OGG1: variants seen among roughly 807,000 people sequenced by gnomAD.
OGG1 encodes the protein 8-oxoguanine DNA glycosylase.
OGG1 carries 35 observed loss-of-function variants against 42.3 expected under a neutral mutation model. The ratio of observed to expected loss-of-function variants is 0.83; its 90% CI spans 0.63 to 1.10. The LOEUF (loss-of-function observed/expected upper bound fraction) is 1.10, where lower values mean the gene tolerates loss of function less well. Among genes scored for constraint, OGG1 ranks in the 50% least tolerant of loss-of-function variants. The pLI is 0.00. For missense variants in OGG1, 484 were observed against 446.7 expected (o/e 1.08, Z -0.75); for synonymous variants, 189 against 179.0 (o/e 1.06, Z -0.44).
At chr3:9,769,588 G>A (rs1380212573), downstream of OGG1, among the ~76,000 whole-genome samples, 1 of 152,126 alleles carries the variant, frequency 6.6e-6, no homozygotes, top group African/African-American at 2.4e-5. Context: ...CTTCCAGTCA[G>A]GCCCAGCTGA....
intron 2 of OGG1, among the ~76,000 whole-genome samples, chr3:9,773,402 G>A (rs532378808): frequency 6.6e-6 from 1 of 152,024 alleles, no homozygotes; most frequent in Non-Finnish European, 1.5e-5. Flanking sequence ...TTAGCCAGGC[G>A]TGGTGGCGGG....
At chr3:9,755,644 A>G (rs1022194182) in intron 4 of OGG1, among the ~76,000 whole-genome samples, 1 of 151,650 alleles carries the variant, frequency 6.6e-6, no homozygotes, top group Admixed American at 6.6e-5. Flanking sequence ...TTGTATTTTT[A>G]GTAGAGATGG....
chr3:9,787,010 A>C (rs1344018341), intron 3 of OGG1: 1 of 1,613,544 alleles, frequency 6.2e-7, no homozygotes. Flanking sequence ...GCTCACCTCC[A>C]CCAGGGCCTG....
intron 2 of OGG1, among the ~76,000 whole-genome samples, chr3:9,772,983 C>T (rs1017547543): frequency 3.9e-5 from 6 of 152,148 alleles, no homozygotes; most frequent in African/African-American, 1.4e-4. Context: ...AAGGGCCAGG[C>T]GTGGGGAGGC....
At chr3:9,762,317 T>C (rs2077917892), downstream of OGG1, 1 of 154,004 alleles carries the variant, frequency 6.5e-6, no homozygotes, top group Non-Finnish European at 1.4e-5. Flanking sequence ...TGTTTTGCTG[T>C]CCCATCCAAG....
rs1389485964 is a variant in OGG1, at chr3:9,772,797, C to T, written c.295-8716C>T. Among the ~76,000 whole-genome samples the T allele has an allele frequency of 7.9e-5, 12 of 152,030 alleles. No individual in the cohort carries two copies. The East Asian group carries it at 9.6e-4, about 12-fold the overall frequency. On this transcript the variant is annotated intron_variant, in intron 2 of 3. Coordinates refer to the OGG1 transcript ENST00000426518. Reference sequence around the variant, plus strand: ...ATCTTGTCCAAAGGAATTAGGGGTGCGAGGGAGGCAAGAATAACACAACAC... The same window carrying T: ...ATCTTGTCCAAAGGAATTAGGGGTGTGAGGGAGGCAAGAATAACACAACAC...
downstream of OGG1, chr3:9,767,666 C>G: frequency 1.2e-6 from 2 of 1,614,130 alleles, no homozygotes; most frequent in Non-Finnish European, 1.7e-6. Context: ...CCTGGACTCA[C>G]GTGCCCAGAA....
rs781150747 is a variant in OGG1, at chr3:9,784,013, CCTG to C, written c.382+2416_382+2418del. 5.0e-6 allele frequency: 8 copies of C among 1,607,588 alleles called. No homozygotes were observed. The African/African-American group carries it at 1.1e-4, about 21-fold the overall frequency. On this transcript the variant is annotated intron_variant, in intron 3 of 3. Coordinates refer to the OGG1 transcript ENST00000426518. ...CAAGGCCACCCCCGGGACTGTGCAT[CCTG>C]CTAACGCTCACCTCAGCAGGTCGTG...
At chr3:9,786,926 G>A in intron 3 of OGG1, 1 of 1,327,392 alleles carries the variant, frequency 7.5e-7, no homozygotes, top group Non-Finnish European at 1.1e-6. Flanking sequence ...ATAAATGTAT[G>A]ATAAATTCCG....
chr3:9,765,618 T>G, intron 7 of OGG1: 2 of 986,880 alleles, frequency 2.0e-6, no homozygotes, highest in South Asian at 3.1e-5. Flanking sequence ...CCCTGCCAAG[T>G]GGAAATTGTG....
At chr3:9,757,631 A>G, downstream of OGG1, 1 of 1,614,118 alleles carries the variant, frequency 6.2e-7, no homozygotes, top group Admixed American at 1.7e-5. This position sits in a 1 kb window ranked among gnomAD's most constrained non-coding sequence, Gnocchi z 4.5. Context: ...CCTGCATGGG[A>G]AGACAGAACA....
chr3:9,753,684 T>C (rs1386452416), intron 3 of OGG1, among the ~76,000 whole-genome samples: 1 of 151,124 alleles, frequency 6.6e-6, no homozygotes, highest in East Asian at 2.0e-4. Flanking sequence ...TGTTCTTGAG[T>C]CTCAGCTCCT....
intron 3 of OGG1, chr3:9,783,023 T>C (rs2078516821): frequency 6.6e-6 from 1 of 152,202 alleles, no homozygotes; most frequent in African/African-American, 2.4e-5. Flanking sequence ...TGGCAGGCAC[T>C]GTGATGGATT....
chr3:9,790,365 G>A (rs1196563536), downstream of OGG1, among the ~76,000 whole-genome samples: 2 of 152,180 alleles, frequency 1.3e-5, no homozygotes. Context: ...CTCAAGGAGG[G>A]TCCATGGATT....
downstream of OGG1, chr3:9,789,420 G>T: frequency 8.2e-7 from 1 of 1,224,396 alleles, no homozygotes. Context: ...GGGGAAGGAA[G>T]ATGATGCATG....
At chr3:9,770,553 G>A (rs997316306), downstream of OGG1, among the ~76,000 whole-genome samples, 34 of 152,318 alleles carry the variant, frequency 2.2e-4, no homozygotes, top group Admixed American at 9.8e-4. Context: ...TCCTCAGAGC[G>A]GGTGGTGGTG....
At chr3:9,760,486 G>T (rs1291732122), downstream of OGG1, 2 of 607,950 alleles carry the variant, frequency 3.3e-6, no homozygotes, top group Non-Finnish European at 5.9e-6. Context: ...CAAGCAGAAG[G>T]AAGTACCCAA....
chr3:9,771,965 A>C (rs2078307728), intron 2 of OGG1, among the ~76,000 whole-genome samples: 2 of 151,842 alleles, frequency 1.3e-5, no homozygotes, highest in African/African-American at 4.8e-5. Context: ...TACAGGCGTG[A>C]ACCAACACGC....
chr3:9,776,034 C>G (rs1211922374), intron 2 of OGG1, among the ~76,000 whole-genome samples: 1 of 152,158 alleles, frequency 6.6e-6, no homozygotes, highest in East Asian at 1.9e-4. Context: ...AGTCCAGGGA[C>G]CACACTTGGA....
Sources: gnomAD v4.1 joint callset for allele counts (sites outside exome capture counted in the v4.1 genomes callset) on GRCh38, gnomAD v4.1.1 for gene constraint, Gnocchi (gnomAD v3.1) non-coding constraint, MANE v1.5 for transcripts, NCBI Gene and HGNC (gene_info 2026-07-23, HGNC 2026-07-21) for gene names.